Variants in YPEL2 observed in about 807,000 individuals in gnomAD.
YPEL2 encodes protein yippee-like 2.
In YPEL2, 2 loss-of-function variants were observed where a neutral mutation model predicts 19.1. The ratio of observed to expected loss-of-function variants is 0.10; its 90% CI spans 0.04 to 0.33. YPEL2 has a LOEUF of 0.33. Among genes scored for constraint, YPEL2 ranks in the 10% least tolerant of loss-of-function variants. The pLI, the probability that YPEL2 is intolerant of heterozygous loss-of-function variation, is 1.00. For synonymous variants in YPEL2, 52 were observed against 50.0 expected, an observed-to-expected ratio of 1.04 and a Z score of -0.17; for missense variants, 66 against 140.7, an observed-to-expected ratio of 0.47 and a Z score of 2.68.
chr17:59,354,664 G>T (rs2047803705), intron 2 of YPEL2: 2 of 152,218 alleles, frequency 1.3e-5, no homozygotes, highest in Non-Finnish European at 2.9e-5. Context: ...TCTTGTTCTA[G>T]CCTTACTCCA....
At chr17:59,384,041 C>T (rs947010464) in intron 2 of YPEL2, among the ~76,000 whole-genome samples, 3 of 152,182 alleles carry the variant, frequency 2.0e-5, no homozygotes, top group African/African-American at 7.2e-5. Context: ...TTGCCAGACT[C>T]GTTTCCAAAG....
chr17:59,352,104 A>G (rs559584702), intron 1 of YPEL2, among the ~76,000 whole-genome samples: 2 of 152,334 alleles, frequency 1.3e-5, no homozygotes, highest in South Asian at 4.1e-4. Context: ...CCAGCCAGGA[A>G]GATCTGATTT....
intron 2 of YPEL2, among the ~76,000 whole-genome samples, chr17:59,386,569 C>T (rs763544652): frequency 2.6e-5 from 4 of 151,992 alleles, no homozygotes; most frequent in Non-Finnish European, 4.4e-5. Context: ...GAGTGAAGGA[C>T]ATAATGGGGA....
chr17:59,342,464 C>T (rs574244740), intron 1 of YPEL2, among the ~76,000 whole-genome samples: 3 of 152,174 alleles, frequency 2.0e-5, no homozygotes, highest in East Asian at 1.9e-4. Flanking sequence ...GAAGATAGGC[C>T]GTATCTCTTA....
chr17:59,337,102 C>G (rs1248240226), intron 1 of YPEL2, among the ~76,000 whole-genome samples: 1 of 151,936 alleles, frequency 6.6e-6, no homozygotes, highest in Admixed American at 6.6e-5. Flanking sequence ...TAACTTGTTA[C>G]TGTAATTCTT....
chr17:59,345,892 C>G (rs1259455051), intron 1 of YPEL2, among the ~76,000 whole-genome samples: 3 of 152,140 alleles, frequency 2.0e-5, no homozygotes, highest in Non-Finnish European at 4.4e-5. Context: ...ATTGTTATCT[C>G]CTTTCAGGCA....
chr17:59,354,099 C>T (rs1347528130), intron 2 of YPEL2: 1 of 159,254 alleles, frequency 6.3e-6, no homozygotes, highest in East Asian at 1.8e-4. Context: ...AGAATGGAAC[C>T]CTGTTTTTCC....
chr17:59,344,224 T>C (rs1449788390), intron 1 of YPEL2, among the ~76,000 whole-genome samples: 1 of 151,714 alleles, frequency 6.6e-6, no homozygotes, highest in Non-Finnish European at 1.5e-5. Flanking sequence ...GGGTCAAGGG[T>C]TCAGGAGTAG....
chr17:59,394,483 T>C (rs1243520813), intron 4 of YPEL2, among the ~76,000 whole-genome samples: 3 of 127,722 alleles, frequency 2.3e-5, no homozygotes, highest in Admixed American at 8.1e-5. Context: ...CTCCTCACTT[T>C]CCAGACTGGG....
chr17:59,357,965 C>G (rs1245257942), intron 2 of YPEL2, among the ~76,000 whole-genome samples: 1 of 152,172 alleles, frequency 6.6e-6, no homozygotes, highest in Non-Finnish European at 1.5e-5. Flanking sequence ...TTTGCTCAGT[C>G]TCCAAAACTA....
At chr17:59,337,499 C>A (rs2047705955) in intron 1 of YPEL2, among the ~76,000 whole-genome samples, 1 of 152,010 alleles carries the variant, frequency 6.6e-6, no homozygotes, top group African/African-American at 2.4e-5. Flanking sequence ...GGGAGAAATT[C>A]TTTTAGAACC....
chr17:59,375,639 A>G (rs2047916776), intron 2 of YPEL2, among the ~76,000 whole-genome samples: 1 of 152,226 alleles, frequency 6.6e-6, no homozygotes, highest in African/African-American at 2.4e-5. Flanking sequence ...CAGTAACACA[A>G]CTCACAGGAA....
At chr17:59,337,281 G>A (rs2047704241) in intron 1 of YPEL2, among the ~76,000 whole-genome samples, 2 of 149,342 alleles carry the variant, frequency 1.3e-5, no homozygotes, top group South Asian at 2.1e-4. Flanking sequence ...TCCGCCTCCC[G>A]GGTTCACGCC....
chr17:59,332,074 A>G (rs1160830752), intron 1 of YPEL2, among the ~76,000 whole-genome samples: 1 of 151,678 alleles, frequency 6.6e-6, no homozygotes, highest in Non-Finnish European at 1.5e-5. Context: ...AGGGAGCCCA[A>G]GGGCGCGGGA....
chr17:59,371,514 G>A (rs1030985273), intron 2 of YPEL2, among the ~76,000 whole-genome samples: 2 of 152,250 alleles, frequency 1.3e-5, no homozygotes, highest in African/African-American at 4.8e-5. Flanking sequence ...CTCTGTGTTT[G>A]TGTGAGCTGG....
intron 2 of YPEL2, among the ~76,000 whole-genome samples, chr17:59,371,289 C>T (rs1244381090): frequency 6.6e-6 from 1 of 152,340 alleles, no homozygotes; most frequent in Admixed American, 6.5e-5. Flanking sequence ...GAGCAGACCC[C>T]TTTGTCTGCA....
chr17:59,337,377 G>C (rs1400046348), intron 1 of YPEL2, among the ~76,000 whole-genome samples: 1 of 151,780 alleles, frequency 6.6e-6, no homozygotes, highest in Non-Finnish European at 1.5e-5. Context: ...TTTTAGTAGA[G>C]ATGGGGTTTC....
At chr17:59,349,855 T>C (rs960283372) in intron 1 of YPEL2, among the ~76,000 whole-genome samples, 18 of 151,892 alleles carry the variant, frequency 1.2e-4, no homozygotes, top group Admixed American at 1.2e-3. Flanking sequence ...GAGACGGGGT[T>C]TCACCATATT....
intron 4 of YPEL2, 52 bp downstream of exon 4, chr17:59,389,520 G>C: frequency 1.4e-6 from 2 of 1,428,378 alleles, no homozygotes; most frequent in African/African-American, 1.4e-5. Flanking sequence ...ATTGCCAAGA[G>C]CCTTATGCCA....
Sources: gnomAD v4.1 joint callset for allele counts (sites outside exome capture counted in the v4.1 genomes callset) on GRCh38, gnomAD v4.1.1 for gene constraint, MANE v1.5 for transcripts, NCBI Gene and HGNC (gene_info 2026-07-23, HGNC 2026-07-21) for gene names.